CNKSR3: variants seen among roughly 807,000 people sequenced by gnomAD.
CNKSR3 encodes the protein connector enhancer of kinase suppressor of ras 3.
CNKSR3 carries 36 observed loss-of-function variants against 67.7 expected under a neutral mutation model. The ratio of observed to expected loss-of-function variants is 0.53; its 90% CI spans 0.41 to 0.70. The LOEUF (loss-of-function observed/expected upper bound fraction) is 0.70, where lower values mean the gene tolerates loss of function less well. Ranked by LOEUF, CNKSR3 falls within the 30% of genes least tolerant of loss-of-function variation. The pLI, the probability that CNKSR3 is intolerant of heterozygous loss-of-function variation, is 0.00. For missense variants in CNKSR3, 630 were observed against 695.2 expected (o/e 0.91, Z 1.05); for synonymous variants, 281 against 271.4 (o/e 1.04, Z -0.35).
At chr6:154,500,224 G>A (rs1247372987) in intron 1 of CNKSR3, among the ~76,000 whole-genome samples, 1 of 151,040 alleles carries the variant, frequency 6.6e-6, no homozygotes, top group African/African-American at 2.4e-5. Context: ...ATGCAAAATT[G>A]TTCAATTAAT....
chr6:154,446,277 C>T (rs1034287000), intron 2 of CNKSR3, among the ~76,000 whole-genome samples: 2 of 151,526 alleles, frequency 1.3e-5, no homozygotes, highest in African/African-American at 4.8e-5. Flanking sequence ...AAGGACACAC[C>T]TTACACAACT....
chr6:154,423,917 C>T (rs1785198976), intron 7 of CNKSR3, among the ~76,000 whole-genome samples: 1 of 152,026 alleles, frequency 6.6e-6, no homozygotes, highest in African/African-American at 2.4e-5. Context: ...TATTAATTTA[C>T]CATCACTGCA....
chr6:154,388,694 A>G lies in CNKSR3; in HGVS notation c.*17660T>C, dbSNP rs979334343. On this transcript the variant is annotated 3_prime_UTR_variant, in exon 13 of 13. Coordinates refer to ENST00000607772, the MANE Select transcript of CNKSR3 (RefSeq NM_173515.4). ...ATATTTGTTGTGTTTTGGTTCTTCA[A>G]TGATAGCCATCCTGACAGGTGAGAG... 2.0e-5 allele frequency: 3 copies of G among 152,014 alleles called. No homozygotes were observed. The highest frequency in any genetic ancestry group is 4.4e-5 in the Non-Finnish European group (3 of 68,000). 9.4% of individuals were successfully genotyped at this position (152,014 alleles called of 1,614,324 possible).
chr6:154,459,413 C>T (rs1385027053), intron 1 of CNKSR3, among the ~76,000 whole-genome samples: 1 of 152,040 alleles, frequency 6.6e-6, no homozygotes, highest in Non-Finnish European at 1.5e-5. Flanking sequence ...ATAAGGGACA[C>T]CCCACTGGCC....
Position 154,394,961 on chromosome 6 carries a change from A to C in CNKSR3, c.*11393T>G, listed in dbSNP as rs1038302931. The C allele has an allele frequency of 6.6e-6, 1 of 152,268 alleles. No individual in the cohort carries two copies. Among genetic ancestry groups the C allele is most frequent in the Non-Finnish European group, 1.5e-5 (1 of 68,074 alleles). The allele number at this position is 152,268 out of a possible 1,614,324, so 9.4% of individuals were successfully genotyped here. ...TAAAGGAAAGAGATGGTCTGAGCAC[A>C]GAGAATGAATCTAGGAGAGAGGTGA... On this transcript the variant is annotated 3_prime_UTR_variant, in exon 13 of 13. Transcript: ENST00000607772.
intron 1 of CNKSR3, among the ~76,000 whole-genome samples, chr6:154,501,349 C>T (rs1786989941): frequency 6.6e-6 from 1 of 152,124 alleles, no homozygotes; most frequent in Admixed American, 6.5e-5. Flanking sequence ...CAAATACTGT[C>T]ACTCTCTGCT....
chr6:154,498,374 C>A (rs1312427127), intron 1 of CNKSR3, among the ~76,000 whole-genome samples: 1 of 151,332 alleles, frequency 6.6e-6, no homozygotes, highest in Non-Finnish European at 1.5e-5. Context: ...AAGCTATAGA[C>A]AATTTTGTGA....
Position 154,410,929 on chromosome 6 carries a change from C to G in CNKSR3, c.1279+5G>C. The G allele has an allele frequency of 1.9e-6, 3 of 1,606,828 alleles. No homozygotes were observed. Among genetic ancestry groups the G allele is most frequent in the Non-Finnish European group, 2.6e-6 (3 of 1,175,608 alleles). ...GGCAGAACAAAACAAACACTTGAAA[C>G]TTACCATAAGATGGTGTTTTCTCTC... On this transcript the variant is annotated splice_donor_5th_base_variant and intron_variant, in intron 11 of 12. Coordinates refer to ENST00000607772, the MANE Select transcript of CNKSR3 (RefSeq NM_173515.4).
intron 1 of CNKSR3, among the ~76,000 whole-genome samples, chr6:154,457,449 G>C (rs1344348133): frequency 2.6e-5 from 4 of 152,202 alleles, no homozygotes; most frequent in African/African-American, 9.7e-5. Context: ...GCCAGATGCA[G>C]GGGCTCACAC....
At chr6:154,480,844 A>C (rs1786551356) in intron 1 of CNKSR3, among the ~76,000 whole-genome samples, 1 of 152,222 alleles carries the variant, frequency 6.6e-6, no homozygotes, top group Admixed American at 6.5e-5. Flanking sequence ...ATGATCCCAT[A>C]TCTTTAAGAA....
At chr6:154,498,437 A>C (rs997698495) in intron 1 of CNKSR3, among the ~76,000 whole-genome samples, 1 of 151,822 alleles carries the variant, frequency 6.6e-6, no homozygotes, top group Non-Finnish European at 1.5e-5. Context: ...TTTGACAAGA[A>C]CAAAAAAATG....
intron 1 of CNKSR3, among the ~76,000 whole-genome samples, chr6:154,487,775 T>C (rs1229249402): frequency 5.3e-5 from 8 of 152,258 alleles, no homozygotes; most frequent in Admixed American, 2.6e-4. Context: ...ATGGTTTTTA[T>C]AGGCTGATTC....
At chr6:154,412,630 T>C (rs1324515392) in intron 10 of CNKSR3, among the ~76,000 whole-genome samples, 1 of 152,046 alleles carries the variant, frequency 6.6e-6, no homozygotes, top group East Asian at 1.9e-4. Flanking sequence ...CTGAGGTACA[T>C]TCTCTACACG....
intron 1 of CNKSR3, among the ~76,000 whole-genome samples, chr6:154,493,911 C>G (rs142232298): frequency 3.9e-5 from 6 of 152,090 alleles, no homozygotes; most frequent in Non-Finnish European, 7.3e-5. Flanking sequence ...GATCACAGCT[C>G]GAGATGAGAT....
chr6:154,398,395 T>C lies in CNKSR3; in HGVS notation c.*7959A>G, dbSNP rs1002822521. The C allele has an allele frequency of 2.6e-5, 4 of 152,246 alleles. No homozygotes were observed. The highest frequency in any genetic ancestry group is 9.6e-5 in the African/African-American group (4 of 41,464). The allele number at this position is 152,246 out of a possible 1,614,324, so 9.4% of individuals were successfully genotyped here. A position where few individuals can be genotyped will look rare whatever the true frequency, so the allele number is the denominator to read the frequency against. On this transcript the variant is annotated 3_prime_UTR_variant, in exon 13 of 13. Coordinates refer to ENST00000607772, the MANE Select transcript of CNKSR3 (RefSeq NM_173515.4). ...CGAACAACCATTTTTTACTTCCCTT[T>C]GTCTCTCCCATAGCTTCTCTTTCCT...
intron 1 of CNKSR3, among the ~76,000 whole-genome samples, chr6:154,509,543 G>A (rs1787170889): frequency 6.6e-6 from 1 of 151,118 alleles, no homozygotes; most frequent in Admixed American, 6.5e-5. Flanking sequence ...CGGCCCTCTC[G>A]CCTTCTCCAA....
At chr6:154,434,318 G>A (rs1785428054) in intron 4 of CNKSR3, among the ~76,000 whole-genome samples, 2 of 151,782 alleles carry the variant, frequency 1.3e-5, no homozygotes, top group African/African-American at 4.8e-5. Flanking sequence ...CAGAATGCAT[G>A]CAGAAAAAAA....
chr6:154,413,087 C>T (rs1163927962), intron 10 of CNKSR3, among the ~76,000 whole-genome samples: 2 of 151,438 alleles, frequency 1.3e-5, no homozygotes, highest in Admixed American at 6.6e-5. Context: ...TTATACCATA[C>T]AGTATTCAAG....
intron 10 of CNKSR3, among the ~76,000 whole-genome samples, chr6:154,411,779 G>T (rs954538773): frequency 6.6e-6 from 1 of 152,028 alleles, no homozygotes; most frequent in Non-Finnish European, 1.5e-5. Context: ...ACACATTAAG[G>T]TATGCTCTAG....
Sources: gnomAD v4.1 joint callset for allele counts (sites outside exome capture counted in the v4.1 genomes callset) on GRCh38, gnomAD v4.1.1 for gene constraint, MANE v1.5 for transcripts, NCBI Gene and HGNC (gene_info 2026-07-23, HGNC 2026-07-21) for gene names.